Variants in NALF1 observed in about 807,000 individuals in gnomAD.
NALF1 encodes the protein NALCN channel auxiliary factor 1.
Under a neutral mutation model 48.4 loss-of-function variants are expected in NALF1, and 3 were observed. That is an observed-to-expected ratio of 0.06 (90% CI 0.03 to 0.16). The LOEUF is 0.16. NALF1 is among the 10% of genes least tolerant of loss of function. The pLI is 1.00. For missense variants in NALF1, 526 were observed against 571.5 expected, an observed-to-expected ratio of 0.92 and a Z score of 0.81; for synonymous variants, 262 against 245.7, an observed-to-expected ratio of 1.07 and a Z score of -0.62.
At chr13:107,699,316 G>A (rs1881766331) in intron 1 of NALF1, among the ~76,000 whole-genome samples, 1 of 151,910 alleles carries the variant, frequency 6.6e-6, no homozygotes, top group Non-Finnish European at 1.5e-5. Context: ...ACTGAGAACT[G>A]GACTCTGTTT....
At chr13:107,244,978 G>A (rs1880551011) in intron 1 of NALF1, among the ~76,000 whole-genome samples, 1 of 152,106 alleles carries the variant, frequency 6.6e-6, no homozygotes, top group African/African-American at 2.4e-5. Flanking sequence ...ACTTTATAAT[G>A]TATTGGCTGA....
At chr13:107,671,036 ACTTC>A (rs1223152388) in intron 1 of NALF1, among the ~76,000 whole-genome samples, 2 of 152,116 alleles carry the variant, frequency 1.3e-5, no homozygotes, top group Non-Finnish European at 2.9e-5. Context: ...CAGATGTGCA[ACTTC>A]CTTATCAATC....
intron 1 of NALF1, among the ~76,000 whole-genome samples, chr13:107,531,956 T>C (rs1021862118): frequency 6.6e-6 from 1 of 152,148 alleles, no homozygotes; most frequent in Non-Finnish European, 1.5e-5. Flanking sequence ...ATGACTAACA[T>C]GGCTTTTTCA....
intron 1 of NALF1, among the ~76,000 whole-genome samples, chr13:107,393,387 C>G (rs1270783433): frequency 6.6e-6 from 1 of 152,046 alleles, no homozygotes; most frequent in South Asian, 2.1e-4. Context: ...GGAAATTTAT[C>G]CAGATTCTAT....
chr13:107,630,450 A>G (rs906836787), intron 1 of NALF1, among the ~76,000 whole-genome samples: 3 of 152,256 alleles, frequency 2.0e-5, no homozygotes, highest in East Asian at 1.9e-4. Flanking sequence ...AAATTGCATT[A>G]CACCAGAGGC....
intron 1 of NALF1, among the ~76,000 whole-genome samples, chr13:107,662,199 C>A (rs1594191372): frequency 6.6e-6 from 1 of 152,130 alleles, no homozygotes; most frequent in East Asian, 1.9e-4. Flanking sequence ...CTTGGTGTCC[C>A]CTGGCCTGGA....
intron 1 of NALF1, among the ~76,000 whole-genome samples, chr13:107,852,098 G>C (rs1880334775): frequency 6.6e-6 from 1 of 151,822 alleles, no homozygotes; most frequent in Non-Finnish European, 1.5e-5. Flanking sequence ...CACCTCACCT[G>C]ACCCATGCCC....
At chr13:107,317,131 A>G (rs893393099) in intron 1 of NALF1, among the ~76,000 whole-genome samples, 2 of 152,300 alleles carry the variant, frequency 1.3e-5, no homozygotes, top group Middle Eastern at 3.4e-3. Context: ...AACTCAAATA[A>G]TACTTAGTTT....
chr13:107,680,436 G>A (rs796170564), intron 1 of NALF1, among the ~76,000 whole-genome samples: 3 of 152,184 alleles, frequency 2.0e-5, no homozygotes, highest in African/African-American at 7.2e-5. Context: ...GTGTGAACAT[G>A]TGAGTGTGAG....
intron 1 of NALF1, among the ~76,000 whole-genome samples, chr13:107,284,257 G>T (rs1881446875): frequency 6.6e-6 from 1 of 152,156 alleles, no homozygotes; most frequent in Non-Finnish European, 1.5e-5. Context: ...GGGAGAATAG[G>T]ATTTCCAGTT....
At chr13:107,707,282 A>C (rs1436402642) in intron 1 of NALF1, among the ~76,000 whole-genome samples, 1 of 152,176 alleles carries the variant, frequency 6.6e-6, no homozygotes, top group African/African-American at 2.4e-5. Flanking sequence ...TAAATCCAAT[A>C]ATCTGGAAGA....
At chr13:107,355,684 C>A (rs572917234) in intron 1 of NALF1, among the ~76,000 whole-genome samples, 1 of 152,036 alleles carries the variant, frequency 6.6e-6, no homozygotes, top group Non-Finnish European at 1.5e-5. Context: ...GCTTGCTTCC[C>A]TTTTGCCCTT....
intron 1 of NALF1, among the ~76,000 whole-genome samples, chr13:107,333,475 G>A (rs1882504673): frequency 6.6e-6 from 1 of 152,220 alleles, no homozygotes; most frequent in Non-Finnish European, 1.5e-5. Context: ...ATGGCTCTGT[G>A]CGACCTCAGT....
At chr13:107,493,046 T>C (rs1379506326) in intron 1 of NALF1, among the ~76,000 whole-genome samples, 1 of 152,180 alleles carries the variant, frequency 6.6e-6, no homozygotes, top group African/African-American at 2.4e-5. Context: ...TTTAGAATTG[T>C]TGGAAGTGCT....
chr13:107,230,703 G>A (rs1047974770), intron 1 of NALF1, among the ~76,000 whole-genome samples: 1 of 152,002 alleles, frequency 6.6e-6, no homozygotes, highest in African/African-American at 2.4e-5. Flanking sequence ...AGAGAGAAGA[G>A]AAGATAGCTG....
At chr13:107,441,853 C>T (rs902076038) in intron 1 of NALF1, among the ~76,000 whole-genome samples, 8 of 152,070 alleles carry the variant, frequency 5.3e-5, no homozygotes, top group Non-Finnish European at 1.2e-4. Flanking sequence ...GCACAAAATC[C>T]GTAGGTTTGA....
intron 1 of NALF1, among the ~76,000 whole-genome samples, chr13:107,782,828 T>C (rs1204836480): frequency 6.7e-6 from 1 of 150,236 alleles, no homozygotes; most frequent in East Asian, 2.0e-4. Context: ...AACCGCCCCG[T>C]CTGAGAAGTG....
At chr13:107,525,951 G>C (rs748764563) in intron 1 of NALF1, among the ~76,000 whole-genome samples, 1 of 151,964 alleles carries the variant, frequency 6.6e-6, no homozygotes, top group Non-Finnish European at 1.5e-5. Context: ...TAAAGTGTCT[G>C]TACATGTTTT....
chr13:107,430,019 T>C (rs188257964), intron 1 of NALF1, among the ~76,000 whole-genome samples: 42 of 152,310 alleles, frequency 2.8e-4, no homozygotes, highest in Middle Eastern at 3.4e-3. Context: ...TGATAGATCA[T>C]ACTTGAATTT....
Sources: gnomAD v4.1 joint callset for allele counts (sites outside exome capture counted in the v4.1 genomes callset) on GRCh38, gnomAD v4.1.1 for gene constraint, MANE v1.5 for transcripts, NCBI Gene and HGNC (gene_info 2026-07-23, HGNC 2026-07-21) for gene names.